Variants in TMEM132C observed in about 807,000 individuals in gnomAD.
The protein encoded by TMEM132C is transmembrane protein 132C.
A neutral mutation model predicts 61.4 loss-of-function variants in TMEM132C; 29 were observed. That is an observed-to-expected ratio of 0.47 (90% CI 0.35 to 0.64). The LOEUF (loss-of-function observed/expected upper bound fraction) is 0.64, where lower values mean the gene tolerates loss of function less well. Among genes scored for constraint, TMEM132C ranks in the 30% least tolerant of loss-of-function variants. TMEM132C has a pLI of 0.00. For synonymous variants in TMEM132C, 656 were observed against 633.1 expected (o/e 1.04, Z -0.54); for missense variants, 1,408 against 1,476.9 (o/e 0.95, Z 0.76).
chr12:128,487,479 T>C (rs1211624393), intron 2 of TMEM132C, among the ~76,000 whole-genome samples: 2 of 151,842 alleles, frequency 1.3e-5, no homozygotes, highest in Non-Finnish European at 2.9e-5. Context: ...TGTGCGTGTG[T>C]GTGTGTGTGT....
intron 4 of TMEM132C, among the ~76,000 whole-genome samples, chr12:128,651,730 G>A (rs1954272668): frequency 6.6e-6 from 1 of 152,160 alleles, no homozygotes; most frequent in Non-Finnish European, 1.5e-5. Flanking sequence ...GGTGAAGGAA[G>A]GTGAGGGTGG....
At chr12:128,426,396 G>C (rs1251630439) in intron 2 of TMEM132C, among the ~76,000 whole-genome samples, 1 of 152,154 alleles carries the variant, frequency 6.6e-6, no homozygotes, top group Non-Finnish European at 1.5e-5. Flanking sequence ...CTGCAGGATC[G>C]AGTGGATTCC....
At chr12:128,687,467 G>T (rs1450383616) in intron 5 of TMEM132C, among the ~76,000 whole-genome samples, 1 of 151,824 alleles carries the variant, frequency 6.6e-6, no homozygotes, top group African/African-American at 2.4e-5. Flanking sequence ...GGACAAAATT[G>T]CCCAGACTGA....
intron 1 of TMEM132C, among the ~76,000 whole-genome samples, chr12:128,360,022 T>C (rs887297857): frequency 2.6e-5 from 4 of 152,188 alleles, no homozygotes; most frequent in Non-Finnish European, 4.4e-5. Context: ...AGAATGACAA[T>C]CACTGTGGTG....
chr12:128,679,394 A>G (rs1392754114), intron 5 of TMEM132C, among the ~76,000 whole-genome samples: 1 of 152,222 alleles, frequency 6.6e-6, no homozygotes, highest in Non-Finnish European at 1.5e-5. Flanking sequence ...TCCCTGGGTT[A>G]AGTAGAGCAG....
intron 2 of TMEM132C, among the ~76,000 whole-genome samples, chr12:128,489,859 A>AT (rs912842084): frequency 1.3e-5 from 2 of 152,158 alleles, no homozygotes; most frequent in African/African-American, 2.4e-5. Context: ...AGTAGCTGGC[A>AT]TTTTTTTACA....
chr12:128,271,262 A>AAT (rs1400344380), intron 1 of TMEM132C, among the ~76,000 whole-genome samples: 8 of 96,706 alleles, frequency 8.3e-5, no homozygotes, highest in East Asian at 2.5e-4. Flanking sequence ...TCAAAATAAT[A>AAT]ATAATATAAT....
intron 5 of TMEM132C, among the ~76,000 whole-genome samples, chr12:128,687,457 G>T (rs1406893643): frequency 6.6e-6 from 1 of 152,146 alleles, no homozygotes; most frequent in African/African-American, 2.4e-5. Flanking sequence ...GCCCCCTGGG[G>T]GACAAAATTG....
At chr12:128,673,996 A>T (rs1326706571) in intron 5 of TMEM132C, among the ~76,000 whole-genome samples, 2 of 152,248 alleles carry the variant, frequency 1.3e-5, no homozygotes, top group Non-Finnish European at 2.9e-5. Context: ...TTGCTTAAAA[A>T]TGTAAGAATT....
chr12:128,395,695 C>A lies in TMEM132C; in HGVS notation c.86-19037C>A, dbSNP rs140319214. The stretch of plus-strand genomic sequence containing the variant: ...TGAACGCTGTTCTGAAAGTGAAAAG[C>A]AAAATGGTTGCATGAGTATTCAAAG... On this transcript the variant is annotated intron_variant, in intron 1 of 8. Coordinates refer to ENST00000435159, the MANE Select transcript of TMEM132C (RefSeq NM_001136103.3). 1.3e-3 allele frequency among the ~76,000 whole-genome samples: 199 copies of A among 152,180 alleles called. 1 individual carries two copies. The highest frequency in any genetic ancestry group is 1.9e-3 in the Non-Finnish European group (130 of 68,000).
chr12:128,333,732 T>C (rs1872724240), intron 1 of TMEM132C, among the ~76,000 whole-genome samples: 1 of 151,322 alleles, frequency 6.6e-6, no homozygotes, highest in Admixed American at 6.6e-5. Context: ...GTGTGTGGTT[T>C]GTGTGTGGTG....
At chr12:128,604,341 T>C (rs1030140527) in intron 3 of TMEM132C, among the ~76,000 whole-genome samples, 1 of 151,296 alleles carries the variant, frequency 6.6e-6, no homozygotes, top group African/African-American at 2.4e-5. Context: ...GATAGAAAGA[T>C]GGATGGATAG....
At chr12:128,457,389 C>T (rs956778340) in intron 2 of TMEM132C, among the ~76,000 whole-genome samples, 3 of 150,696 alleles carry the variant, frequency 2.0e-5, no homozygotes, top group African/African-American at 4.9e-5. Flanking sequence ...CTGGCTAACA[C>T]GGTGAAACCC....
At chr12:128,391,135 T>C (rs1874751411) in intron 1 of TMEM132C, among the ~76,000 whole-genome samples, 1 of 152,182 alleles carries the variant, frequency 6.6e-6, no homozygotes, top group Non-Finnish European at 1.5e-5. Flanking sequence ...ACTCCTGCAG[T>C]CACCCTCCCT....
intron 3 of TMEM132C, among the ~76,000 whole-genome samples, chr12:128,550,223 C>T (rs7980925): frequency 0.029 from 4,440 of 152,008 alleles, 259 homozygotes; most frequent in African/African-American, 0.1. Flanking sequence ...TCCTGGCTTG[C>T]AGTTCGCCAC....
At position 128,410,456 on chromosome 12, in the gene TMEM132C, G is replaced by A. The variant is rs1868497001; in HGVS notation, c.86-4276G>A. On this transcript the variant is annotated intron_variant, in intron 1 of 8. Transcript: ENST00000435159. ...TCTCACTCTGTCTCCAGGCTAGAGT[G>A]CAGTGGCATGCTCTCGGCTCACTGC... Among the ~76,000 whole-genome samples, 2 of 152,146 alleles carry A rather than the reference G, an allele frequency of 1.3e-5. 1 individual carries two copies. The highest frequency in any genetic ancestry group is 4.8e-5 in the African/African-American group (2 of 41,414).
rs59258589 is a variant in TMEM132C, at chr12:128,566,189, C to CAAAAAAAAAAAAAAAAAAAAAAA, written c.1121+22104_1121+22105insAAAAAAAAAAAAAAAAAAAAAAA. Among the ~76,000 whole-genome samples the CAAAAAAAAAAAAAAAAAAAAAAA allele has an allele frequency of 6.6e-4, 45 of 67,782 alleles. 1 individual carries two copies. Among genetic ancestry groups the CAAAAAAAAAAAAAAAAAAAAAAA allele is most frequent in the East Asian group, 1.8e-3 (4 of 2,176 alleles). 44.5% of individuals were successfully genotyped at this position (67,782 alleles called of 152,430 possible). On this transcript the variant is annotated intron_variant, in intron 3 of 8. Coordinates refer to ENST00000435159, the MANE Select transcript of TMEM132C (RefSeq NM_001136103.3). ...ATAGGCATGAGACACCAAGCCTAAC[C>CAAAAAAAAAAAAAAAAAAAAAAA]AAAAAAAAAAAAAAAAAAGTTTTAA...
At chr12:128,282,350 TC>T (rs1463610663) in intron 1 of TMEM132C, among the ~76,000 whole-genome samples, 2 of 152,242 alleles carry the variant, frequency 1.3e-5, no homozygotes, top group Non-Finnish European at 2.9e-5. Context: ...TTTAATTGAC[TC>T]ACAGTTCTGC....
intron 1 of TMEM132C, among the ~76,000 whole-genome samples, chr12:128,295,555 C>T (rs1383952182): frequency 8.0e-6 from 1 of 124,892 alleles, no homozygotes; most frequent in Non-Finnish European, 1.9e-5. Context: ...TACCTTCCAC[C>T]CCCTCCCCTG....
Sources: gnomAD v4.1 joint callset for allele counts (sites outside exome capture counted in the v4.1 genomes callset) on GRCh38, gnomAD v4.1.1 for gene constraint, MANE v1.5 for transcripts, NCBI Gene and HGNC (gene_info 2026-07-23, HGNC 2026-07-21) for gene names.